The following PDE4D variants were observed in gnomAD, a reference collection of about 807,000 sequenced individuals.
The protein encoded by PDE4D is 3',5'-cyclic-AMP phosphodiesterase 4D.
PDE4D carries 24 observed loss-of-function variants against 87.4 expected under a neutral mutation model. The ratio of observed to expected loss-of-function variants is 0.27; its 90% confidence interval spans 0.20 to 0.39. PDE4D has a LOEUF of 0.39. Ranked by LOEUF, PDE4D falls within the 10% of genes least tolerant of loss-of-function variation. The pLI, the probability that PDE4D is intolerant of heterozygous loss-of-function variation, is 1.00. For missense variants in PDE4D, 714 were observed against 1,041.0 expected, an observed-to-expected ratio of 0.69 and a Z score of 4.32; for synonymous variants, 384 against 383.2, an observed-to-expected ratio of 1.00 and a Z score of -0.02.
At chr5:59,933,993 A>C (rs796885611) in intron 3 of PDE4D, among the ~76,000 whole-genome samples, 51 of 151,560 alleles carry the variant, frequency 3.4e-4, no homozygotes, top group African/African-American at 1.1e-3. Flanking sequence ...TTTTCTTTTT[A>C]TTTTTTTTGA....
chr5:59,658,020 T>A (rs1402344512), intron 1 of PDE4D, among the ~76,000 whole-genome samples: 1 of 152,178 alleles, frequency 6.6e-6, no homozygotes, highest in Non-Finnish European at 1.5e-5. Context: ...ACTTATAAAC[T>A]GGTTTAAGGG....
intron 1 of PDE4D, among the ~76,000 whole-genome samples, chr5:60,197,074 CAGTTAGATAGATAGATAGATAGATAGAT>C (rs1484143654): frequency 0.013 from 687 of 53,574 alleles, 2 homozygotes; most frequent in African/African-American, 0.036. Context: ...GATAGATAGA[CAGTTAGATAGATAGATAGATAGATAGAT>C]AGATAGATAG....
intron 5 of PDE4D, among the ~76,000 whole-genome samples, chr5:59,172,515 C>G (rs1265707398): frequency 6.7e-6 from 1 of 148,902 alleles, no homozygotes; most frequent in African/African-American, 2.5e-5. Context: ...GGCAACACGG[C>G]AAAACGCCGC....
At chr5:59,567,135 A>T (rs1821076703) in intron 1 of PDE4D, among the ~76,000 whole-genome samples, 1 of 152,216 alleles carries the variant, frequency 6.6e-6, no homozygotes, top group Non-Finnish European at 1.5e-5. Flanking sequence ...CATTGAAAGT[A>T]TGGCTCATTA....
At chr5:59,196,332 T>C (rs1451443436) in intron 2 of PDE4D, among the ~76,000 whole-genome samples, 1 of 152,184 alleles carries the variant, frequency 6.6e-6, no homozygotes, top group African/African-American at 2.4e-5. Flanking sequence ...TGATATGCAT[T>C]GGCTGATTCC....
chr5:59,362,836 C>T (rs775288893), intron 1 of PDE4D, among the ~76,000 whole-genome samples: 13 of 152,118 alleles, frequency 8.5e-5, no homozygotes, highest in Non-Finnish European at 1.6e-4. Flanking sequence ...GAAAAAAGAC[C>T]CCCAATACCA....
At chr5:59,036,667 A>G (rs1030289779) in intron 6 of PDE4D, among the ~76,000 whole-genome samples, 2 of 152,248 alleles carry the variant, frequency 1.3e-5, no homozygotes, top group Admixed American at 6.5e-5. Flanking sequence ...TTTTTTGTCT[A>G]TAACAGTCAT....
At chr5:60,077,164 G>A (rs1203522937) in intron 2 of PDE4D, among the ~76,000 whole-genome samples, 1 of 152,208 alleles carries the variant, frequency 6.6e-6, no homozygotes, top group Non-Finnish European at 1.5e-5. Flanking sequence ...GGGCTGGTGG[G>A]CTCTGTGCCA....
chr5:59,628,231 A>G (rs1373592653), intron 1 of PDE4D, among the ~76,000 whole-genome samples: 1 of 152,178 alleles, frequency 6.6e-6, no homozygotes, highest in African/African-American at 2.4e-5. Context: ...AAAGAAGAAC[A>G]AATCAACTGG....
At chr5:60,452,436 C>T (rs936292936) in intron 1 of PDE4D, among the ~76,000 whole-genome samples, 3 of 152,094 alleles carry the variant, frequency 2.0e-5, no homozygotes, top group African/African-American at 7.2e-5. Context: ...CAATAGCCCG[C>T]CACATGTCTG....
At chr5:59,597,633 A>G (rs919211693) in intron 1 of PDE4D, among the ~76,000 whole-genome samples, 1 of 152,176 alleles carries the variant, frequency 6.6e-6, no homozygotes, top group African/African-American at 2.4e-5. Flanking sequence ...TTTTAGGAAA[A>G]AAAGGATATT....
intron 1 of PDE4D, among the ~76,000 whole-genome samples, chr5:59,276,885 TCTAAG>T (rs1764927417): frequency 6.6e-6 from 1 of 152,022 alleles, no homozygotes; most frequent in African/African-American, 2.4e-5. Context: ...GTAGATATAA[TCTAAG>T]CTGATTCCAA....
chr5:60,349,792 A>G (rs554540947), intron 1 of PDE4D, among the ~76,000 whole-genome samples: 2 of 152,254 alleles, frequency 1.3e-5, no homozygotes, highest in South Asian at 2.1e-4. Flanking sequence ...TCTTTTCTAC[A>G]TTAACATTAA....
chr5:59,807,525 G>T (rs548792976), intron 1 of PDE4D, among the ~76,000 whole-genome samples: 3 of 152,178 alleles, frequency 2.0e-5, no homozygotes, highest in Non-Finnish European at 1.5e-5. Context: ...GAGGTGCTTC[G>T]TGGTTCCAGA....
At chr5:60,309,508 T>C (rs1356541887) in intron 1 of PDE4D, among the ~76,000 whole-genome samples, 13 of 152,200 alleles carry the variant, frequency 8.5e-5, no homozygotes, top group African/African-American at 3.1e-4. Flanking sequence ...GATAGAGAGA[T>C]GGACACTTAG....
chr5:59,343,085 C>T (rs1036659367), intron 1 of PDE4D, among the ~76,000 whole-genome samples: 3 of 151,366 alleles, frequency 2.0e-5, no homozygotes, highest in Non-Finnish European at 4.4e-5. Flanking sequence ...GTTATTTTTC[C>T]TGATTCTCTC....
chr5:60,337,388 T>TATATATAAACAC (rs66871903), intron 1 of PDE4D, among the ~76,000 whole-genome samples: 1 of 89,478 alleles, frequency 1.1e-5, no homozygotes, highest in African/African-American at 4.3e-5. Flanking sequence ...TATATATATA[T>TATATATAAACAC]ACACACACAC....
At chr5:60,197,581 A>G (rs1458033977) in intron 1 of PDE4D, among the ~76,000 whole-genome samples, 1 of 151,652 alleles carries the variant, frequency 6.6e-6, no homozygotes, top group African/African-American at 2.4e-5. Flanking sequence ...AGGTAGGTAC[A>G]TAAAAGTTGT....
chr5:59,602,388 C>A (rs1425411331), intron 1 of PDE4D, among the ~76,000 whole-genome samples: 8 of 151,984 alleles, frequency 5.3e-5, no homozygotes, highest in African/African-American at 1.9e-4. Flanking sequence ...CTTGCCACTT[C>A]TATTCATTAT....
Sources: allele counts gnomAD v4.1 joint callset (sites outside exome capture counted in the v4.1 genomes callset), GRCh38; gene constraint gnomAD v4.1.1; transcripts MANE v1.5; gene names NCBI Gene and HGNC (gene_info 2026-07-23, HGNC 2026-07-21).